Variants in CRADD observed in about 807,000 individuals in gnomAD.
CRADD encodes CARD and death domain containing adaptor protein.
CRADD carries 9 observed loss-of-function variants against 15.5 expected under a neutral mutation model. The observed-to-expected ratio is 0.58, with a 90% CI of 0.35 to 1.01. The LOEUF (loss-of-function observed/expected upper bound fraction) is 1.01, where lower values mean the gene tolerates loss of function less well. Among genes scored for constraint, CRADD ranks in the 50% least tolerant of loss-of-function variants. CRADD has a pLI of 0.02. For synonymous variants in CRADD, 118 were observed against 107.6 expected, an observed-to-expected ratio of 1.10 and a Z score of -0.60; for missense variants, 227 against 250.3, an observed-to-expected ratio of 0.91 and a Z score of 0.63.
rs572665930 is a variant in CRADD, at chr12:93,706,982, C to G, written c.298+27910C>G. Reference sequence around the variant, plus strand: ...AGCCTAATTCTGTGACCTCTACAATCCAAATGGATGCCGTGGCTTTTACTT... The same window carrying G: ...AGCCTAATTCTGTGACCTCTACAATGCAAATGGATGCCGTGGCTTTTACTT... On this transcript the variant is annotated intron_variant, in intron 2 of 2. Transcript: ENST00000332896. Among the ~76,000 whole-genome samples, 4 of 152,288 alleles carry G rather than the reference C, an allele frequency of 2.6e-5. No homozygotes were observed. The East Asian group carries it at 7.7e-4, about 29-fold the overall frequency.
At chr12:93,765,644 C>G (rs1032942128) in intron 2 of CRADD, among the ~76,000 whole-genome samples, 4 of 152,142 alleles carry the variant, frequency 2.6e-5, no homozygotes, top group Non-Finnish European at 4.4e-5. Flanking sequence ...ATATTAAAAG[C>G]ACAACTCCAG....
chr12:93,721,970 A>G (rs1956273503), intron 2 of CRADD, among the ~76,000 whole-genome samples: 1 of 152,184 alleles, frequency 6.6e-6, no homozygotes, highest in East Asian at 1.9e-4. Flanking sequence ...TTCTGACCTA[A>G]CATTATTTTC....
At position 93,706,655 on chromosome 12, in the gene CRADD, T is replaced by A. The variant is rs528353476; in HGVS notation, c.298+27583T>A. Among the ~76,000 whole-genome samples, 14 of 152,304 alleles carry A rather than the reference T, an allele frequency of 9.2e-5. 1 individual carries two copies. In the East Asian group the frequency reaches 2.7e-3, roughly 29 times the overall value. On this transcript the variant is annotated intron_variant, in intron 2 of 2. Coordinates refer to ENST00000332896, the MANE Select transcript of CRADD (RefSeq NM_003805.5). Reference sequence around the variant, plus strand: ...TACTGATGGGGGTAAAACTGCCTACTCATTTTGGGGAGCTTTTGTTTTCAT... The same window carrying A: ...TACTGATGGGGGTAAAACTGCCTACACATTTTGGGGAGCTTTTGTTTTCAT...
intron 2 of CRADD, among the ~76,000 whole-genome samples, chr12:93,732,455 A>C (rs985427844): frequency 1.1e-4 from 17 of 152,240 alleles, no homozygotes; most frequent in African/African-American, 4.1e-4. Flanking sequence ...AGAACAAGGC[A>C]ACATCTCAGA....
At chr12:93,863,596 T>TTGTGTGTGTG (rs1157061528) in intron 2 of CRADD, among the ~76,000 whole-genome samples, 2,138 of 124,784 alleles carry the variant, frequency 0.017, 46 homozygotes, top group East Asian at 0.029. Context: ...GTGGAGGCAT[T>TTGTGTGTGTG]TGTGTGTGTG....
intron 2 of CRADD, among the ~76,000 whole-genome samples, chr12:93,692,040 TA>T (rs1253630529): frequency 2.0e-5 from 3 of 152,084 alleles, no homozygotes; most frequent in African/African-American, 7.2e-5. Context: ...GTCCAGGACT[TA>T]AAGTAAAAAT....
At chr12:93,765,033 G>A (rs1957012423) in intron 2 of CRADD, among the ~76,000 whole-genome samples, 1 of 151,664 alleles carries the variant, frequency 6.6e-6, no homozygotes, top group Non-Finnish European at 1.5e-5. Flanking sequence ...TTAGGAAAGT[G>A]GTTGAGATAT....
At chr12:93,692,216 T>C (rs1195556245) in intron 2 of CRADD, among the ~76,000 whole-genome samples, 1 of 152,064 alleles carries the variant, frequency 6.6e-6, no homozygotes, top group Non-Finnish European at 1.5e-5. Flanking sequence ...TGAAGAAAGC[T>C]CATGGGATTT....
chr12:93,781,746 T>C (rs1056550994), intron 2 of CRADD, among the ~76,000 whole-genome samples: 7 of 152,170 alleles, frequency 4.6e-5, no homozygotes, highest in African/African-American at 1.7e-4. Flanking sequence ...TTATAGGAAA[T>C]ACGGGAGACA....
chr12:93,762,267 G>C (rs1337993882), intron 2 of CRADD, among the ~76,000 whole-genome samples: 1 of 152,196 alleles, frequency 6.6e-6, no homozygotes, highest in Non-Finnish European at 1.5e-5. Context: ...TTGTCAATAA[G>C]AATTTATTGT....
chr12:93,757,123 TC>T (rs1956899738), intron 2 of CRADD, among the ~76,000 whole-genome samples: 1 of 152,194 alleles, frequency 6.6e-6, no homozygotes, highest in African/African-American at 2.4e-5. Context: ...TACGTATATT[TC>T]CCCATCTTCT....
chr12:93,703,506 G>A (rs149243256), intron 2 of CRADD, among the ~76,000 whole-genome samples: 311 of 151,738 alleles, frequency 2.0e-3, no homozygotes, highest in African/African-American at 6.7e-3. Flanking sequence ...GACTACAGGC[G>A]CATGCCACCA....
intron 2 of CRADD, among the ~76,000 whole-genome samples, chr12:93,836,778 G>A (rs182613396): frequency 6.6e-6 from 1 of 152,308 alleles, no homozygotes; most frequent in East Asian, 1.9e-4. Flanking sequence ...CCTACTATGT[G>A]CAAGGCACTA....
At chr12:93,695,138 AG>A (rs2136822870) in intron 2 of CRADD, among the ~76,000 whole-genome samples, 1 of 152,356 alleles carries the variant, frequency 6.6e-6, no homozygotes, top group Non-Finnish European at 1.5e-5. Flanking sequence ...CCAATGGAAC[AG>A]AATAGATAGT....
At chr12:93,841,798 G>A (rs576952516) in intron 2 of CRADD, among the ~76,000 whole-genome samples, 1 of 152,276 alleles carries the variant, frequency 6.6e-6, no homozygotes, top group Admixed American at 6.5e-5. Context: ...CTAAAAAGCG[G>A]CTGTGCTGGA....
chr12:93,821,260 C>T (rs1957766579), intron 2 of CRADD, among the ~76,000 whole-genome samples: 1 of 152,204 alleles, frequency 6.6e-6, no homozygotes, highest in Non-Finnish European at 1.5e-5. Context: ...TTCTCCCCAG[C>T]CCGCATAGCT....
chr12:93,795,226 A>G (rs1957401452), intron 2 of CRADD, among the ~76,000 whole-genome samples: 1 of 152,166 alleles, frequency 6.6e-6, no homozygotes, highest in African/African-American at 2.4e-5. Flanking sequence ...TAAACAAATG[A>G]ATTACTTTGT....
chr12:93,708,089 A>G (rs993932245), intron 2 of CRADD: 3 of 152,262 alleles, frequency 2.0e-5, no homozygotes, highest in African/African-American at 7.2e-5. Context: ...CTAAGAGATT[A>G]CATCATCATT....
chr12:93,836,618 A>G (rs1413846431), intron 2 of CRADD, among the ~76,000 whole-genome samples: 1 of 152,170 alleles, frequency 6.6e-6, no homozygotes, highest in East Asian at 1.9e-4. Flanking sequence ...ATGCAATGTA[A>G]TTTCTCTGGT....
Sources: gnomAD v4.1 joint callset for allele counts (sites outside exome capture counted in the v4.1 genomes callset) on GRCh38, gnomAD v4.1.1 for gene constraint, MANE v1.5 for transcripts, NCBI Gene and HGNC (gene_info 2026-07-23, HGNC 2026-07-21) for gene names.